The following ASIC2 variants were observed in gnomAD, a reference collection of about 807,000 sequenced individuals.
ASIC2 encodes the protein acid-sensing ion channel 2.
In ASIC2, 25 loss-of-function variants were observed where a neutral mutation model predicts 57.3. The observed-to-expected ratio is 0.44, with a 90% CI of 0.32 to 0.61. ASIC2 has a LOEUF of 0.61. ASIC2 is among the 20% of genes least tolerant of loss of function. ASIC2 has a pLI of 0.06. For missense variants in ASIC2, 641 were observed against 738.1 expected, an observed-to-expected ratio of 0.87 and a Z score of 1.52; for synonymous variants, 319 against 307.5, an observed-to-expected ratio of 1.04 and a Z score of -0.39.
intron 1 of ASIC2, among the ~76,000 whole-genome samples, chr17:33,799,344 C>T (rs144913371): frequency 1.9e-4 from 27 of 143,590 alleles, no homozygotes; most frequent in Non-Finnish European, 2.5e-4. Flanking sequence ...TCTCTGTTTC[C>T]TCTCTTTCTC....
intron 1 of ASIC2, among the ~76,000 whole-genome samples, chr17:34,019,522 G>C (rs1907083367): frequency 6.6e-6 from 1 of 152,304 alleles, no homozygotes; most frequent in Admixed American, 6.5e-5. Context: ...CAACACTGAG[G>C]CAAGACCCTC....
chr17:33,346,223 T>C (rs1597692433), intron 1 of ASIC2, among the ~76,000 whole-genome samples: 2 of 50,588 alleles, frequency 4.0e-5, no homozygotes, highest in African/African-American at 8.0e-5. Flanking sequence ...AGAGATTCCC[T>C]CTCAAAAAAA....
At position 33,757,810 on chromosome 17, in the gene ASIC2, A is replaced by T. The variant is rs1398144638; in HGVS notation, c.555+398168T>A. Among the ~76,000 whole-genome samples the T allele has an allele frequency of 2.0e-5, 3 of 151,700 alleles. 1 individual carries two copies. The highest frequency in any genetic ancestry group is 4.4e-5 in the Non-Finnish European group (3 of 67,942). The stretch of plus-strand genomic sequence containing the variant: ...CCAAGAAACATCCCTTTCCCACCCA[A>T]CTCTTGCCCCATGTCCTCCAAACCA... On this transcript the variant is annotated intron_variant, in intron 1 of 9. Coordinates refer to the ASIC2 transcript ENST00000359872.
intron 1 of ASIC2, among the ~76,000 whole-genome samples, chr17:33,691,790 T>C (rs1168372573): frequency 6.6e-6 from 1 of 152,050 alleles, no homozygotes; most frequent in East Asian, 1.9e-4. Flanking sequence ...ATTAACAGAT[T>C]ATATATGTGT....
chr17:33,142,998 A>G (rs1378386834), intron 1 of ASIC2, among the ~76,000 whole-genome samples: 1 of 152,190 alleles, frequency 6.6e-6, no homozygotes, highest in Non-Finnish European at 1.5e-5. Flanking sequence ...ATAAACCAAA[A>G]AGCTCAATAA....
chr17:33,356,956 C>T (rs1908403720), intron 1 of ASIC2, among the ~76,000 whole-genome samples: 1 of 152,120 alleles, frequency 6.6e-6, no homozygotes, highest in African/African-American at 2.4e-5. Context: ...TCCTCATCTT[C>T]CAACAGGGAA....
At chr17:34,074,162 TG>T (rs1191207921) in intron 1 of ASIC2, among the ~76,000 whole-genome samples, 1 of 151,934 alleles carries the variant, frequency 6.6e-6, no homozygotes, top group East Asian at 1.9e-4. Flanking sequence ...AACTCAGGAG[TG>T]TAAGAACCAG....
intron 1 of ASIC2, among the ~76,000 whole-genome samples, chr17:34,123,431 G>T (rs186297370): frequency 6.6e-6 from 1 of 152,150 alleles, no homozygotes; most frequent in African/African-American, 2.4e-5. Context: ...AGGGAGAGGG[G>T]CCAGACTCCT....
chr17:33,125,079 C>T (rs71377472), intron 1 of ASIC2, among the ~76,000 whole-genome samples: 18,492 of 152,210 alleles, frequency 0.12, 1,555 homozygotes, highest in Non-Finnish European at 0.18. Flanking sequence ...CTGGCTTGCC[C>T]GCCGCTGACC....
intron 1 of ASIC2, among the ~76,000 whole-genome samples, chr17:33,299,060 G>T (rs1905840534): frequency 6.6e-6 from 1 of 152,160 alleles, no homozygotes; most frequent in African/African-American, 2.4e-5. Context: ...AGCTACCAAT[G>T]ACTTTATTCA....
At chr17:33,122,838 G>A (rs980767190) in intron 1 of ASIC2, among the ~76,000 whole-genome samples, 4 of 152,022 alleles carry the variant, frequency 2.6e-5, no homozygotes, top group Admixed American at 2.6e-4. Flanking sequence ...CCCCTGCACT[G>A]CCCCAGCCTC....
At chr17:33,278,761 T>A (rs115172016) in intron 1 of ASIC2, among the ~76,000 whole-genome samples, 1,617 of 152,302 alleles carry the variant, frequency 0.011, 36 homozygotes, top group African/African-American at 0.037. Flanking sequence ...ACATATATTT[T>A]TTTTTTTGGT....
At chr17:34,082,552 A>G (rs186286926) in intron 1 of ASIC2, among the ~76,000 whole-genome samples, 56 of 152,338 alleles carry the variant, frequency 3.7e-4, no homozygotes, top group African/African-American at 1.3e-3. Context: ...ACTGATAAAA[A>G]TACTACCAAA....
At chr17:33,380,107 G>A (rs1909425611) in intron 1 of ASIC2, among the ~76,000 whole-genome samples, 1 of 151,890 alleles carries the variant, frequency 6.6e-6, no homozygotes, top group Non-Finnish European at 1.5e-5. Flanking sequence ...TTAGCCGGGA[G>A]TGCTGGCACG....
At chr17:34,074,465 T>C (rs1333030468) in intron 1 of ASIC2, among the ~76,000 whole-genome samples, 1 of 152,194 alleles carries the variant, frequency 6.6e-6, no homozygotes, top group Non-Finnish European at 1.5e-5. Flanking sequence ...CCTCTCTCTA[T>C]GCATAGGGCT....
intron 1 of ASIC2, among the ~76,000 whole-genome samples, chr17:33,780,282 G>C (rs1911411879): frequency 6.6e-6 from 1 of 152,040 alleles, no homozygotes; most frequent in East Asian, 1.9e-4. Flanking sequence ...GGAAGCTATG[G>C]TCTTAACTGC....
At position 34,135,900 on chromosome 17, in the gene ASIC2, G is replaced by A. The variant is rs141366726; in HGVS notation, c.555+20078C>T. The stretch of plus-strand genomic sequence containing the variant: ...TCATTATTCTAAAAAAAATAATAAT[G>A]TGGTCATGTCATTGAGAATGCTCAA... On this transcript the variant is annotated intron_variant, in intron 1 of 9. Transcript: ENST00000359872. Among the ~76,000 whole-genome samples, 314 of 152,080 alleles carry A rather than the reference G, an allele frequency of 2.1e-3. 1 individual carries two copies. The highest frequency in any genetic ancestry group is 7.3e-3 in the African/African-American group (301 of 41,464).
chr17:33,282,964 T>G (rs1240153042), intron 1 of ASIC2, among the ~76,000 whole-genome samples: 2 of 152,184 alleles, frequency 1.3e-5, no homozygotes, highest in Admixed American at 1.3e-4. Flanking sequence ...GGGTAATGTA[T>G]TCACAGATTC....
intron 1 of ASIC2, among the ~76,000 whole-genome samples, chr17:33,313,607 C>A (rs1011785878): frequency 2.0e-5 from 3 of 152,152 alleles, no homozygotes; most frequent in African/African-American, 7.2e-5. Flanking sequence ...AAGTTCAGAG[C>A]TAAAAACTCC....
Sources: allele counts gnomAD v4.1 joint callset (sites outside exome capture counted in the v4.1 genomes callset), GRCh38; gene constraint gnomAD v4.1.1; transcripts MANE v1.5; gene names NCBI Gene and HGNC (gene_info 2026-07-23, HGNC 2026-07-21).